Variants in TSPAN3 observed in about 807,000 individuals in gnomAD.
TSPAN3 encodes the protein tetraspanin-3.
In TSPAN3, 9 loss-of-function variants were observed where a neutral mutation model predicts 31.1. The ratio of observed to expected loss-of-function variants is 0.29; its 90% CI spans 0.17 to 0.50. The LOEUF is 0.50. Ranked by LOEUF, TSPAN3 falls within the 20% of genes least tolerant of loss-of-function variation. TSPAN3 has a pLI of 0.98. For missense variants in TSPAN3, 252 were observed against 313.5 expected (o/e 0.80, Z 1.48); for synonymous variants, 129 against 114.3 (o/e 1.13, Z -0.82).
At chr15:77,053,636 G>T (rs2076747753) in intron 4 of TSPAN3, among the ~76,000 whole-genome samples, 1 of 151,966 alleles carries the variant, frequency 6.6e-6, no homozygotes, top group African/African-American at 2.4e-5. Flanking sequence ...AAAATTTTGA[G>T]ATTTGCTTTA....
At position 77,055,849 on chromosome 15, in the gene TSPAN3, C is replaced by G; in HGVS notation, c.270G>C (p.Leu90=). The change falls in exon 3 of 7, where the codon CTG becomes CTC. Residue 90 remains leucine (L), a synonymous_variant. Transcript: ENST00000267970. ...CAACTTCTGTGACAAAAACCAAGAG[C>G]AGGATGATGACAAACTGTAAGAAAA... is the stretch of plus-strand genomic sequence containing the variant. The part of the protein sequence containing the change: ...RCGLATFVII[L]LLVFVTEVVV... 1 of 1,610,244 alleles carries G rather than the reference C, an allele frequency of 6.2e-7. No individual in the cohort carries two copies. The highest frequency in any genetic ancestry group is 1.1e-5 in the South Asian group (1 of 89,782).
chr15:77,043,406 G>A lies in TSPAN3; in HGVS notation c.*3429C>T, dbSNP rs2076670681. On this transcript the variant is annotated 3_prime_UTR_variant, in exon 7 of 7. Transcript: ENST00000267970. ...TTCCTGTTCACATTTCCTCCTCCTT[G>A]GACTAGATGATCAAAACGAACATCC... 1 of 152,060 alleles carries A rather than the reference G, an allele frequency of 6.6e-6. No homozygotes were observed. The highest frequency in any genetic ancestry group is 1.5e-5 in the Non-Finnish European group (1 of 68,022). The allele number at this position is 152,060 out of a possible 1,614,324, so 9.4% of individuals were successfully genotyped here.
chr15:77,050,750 G>C (rs907965625), intron 6 of TSPAN3, among the ~76,000 whole-genome samples: 1 of 152,174 alleles, frequency 6.6e-6, no homozygotes, highest in Non-Finnish European at 1.5e-5. Context: ...GAATGTGTTT[G>C]CATAAATAAT....
intron 1 of TSPAN3, among the ~76,000 whole-genome samples, chr15:77,057,118 A>T (rs1396173046): frequency 2.6e-5 from 4 of 152,224 alleles, no homozygotes; most frequent in Non-Finnish European, 5.9e-5. Flanking sequence ...CCAGCTGCAG[A>T]GTCTTACTTT....
rs376817629 is a variant in TSPAN3, at chr15:77,052,760, G to A, written c.585+17C>T. ...AGGTTAATCAAGCTAGACTCAAGTC[G>A]TGGCCAAGAGACTCACCTCAGCATA... On this transcript the variant is annotated intron_variant, in intron 5 of 6. Transcript: ENST00000267970. The A allele has an allele frequency of 9.9e-6, 16 of 1,609,042 alleles. No homozygotes were observed. The highest frequency in any genetic ancestry group is 3.3e-5 in the Admixed American group (2 of 59,774).
At chr15:77,065,971 A>G (rs1012842196) in intron 1 of TSPAN3, among the ~76,000 whole-genome samples, 5 of 152,244 alleles carry the variant, frequency 3.3e-5, no homozygotes, top group Non-Finnish European at 7.3e-5. Flanking sequence ...TATAAATTCT[A>G]TAAGCATGGA....
intron 3 of TSPAN3, 22 bp downstream of exon 3, chr15:77,055,767 T>C: frequency 1.9e-6 from 3 of 1,573,388 alleles, no homozygotes; most frequent in Non-Finnish European, 2.6e-6. Flanking sequence ...AGGCATTATG[T>C]GAATTACAGT....
rs2076674126 is a variant in TSPAN3 at position 77,043,998 on chromosome 15, T to A, written c.*2837A>T. On this transcript the variant is annotated 3_prime_UTR_variant, in exon 7 of 7. Transcript: ENST00000267970. ...TAGAATGGGACGAAATGTTAATAGGTGTATCTGGGCAAAGGATATTTGAGC... is the reference window on the plus strand; with the variant it reads ...TAGAATGGGACGAAATGTTAATAGGAGTATCTGGGCAAAGGATATTTGAGC... 6.6e-6 allele frequency: 1 copy of A among 152,150 alleles called. No individual in the cohort carries two copies. The highest frequency in any genetic ancestry group is 2.4e-5 in the African/African-American group (1 of 41,408). 9.4% of individuals were successfully genotyped at this position (152,150 alleles called of 1,614,324 possible).
At chr15:77,054,669 T>C (rs2076756272) in intron 3 of TSPAN3, 1 of 154,556 alleles carries the variant, frequency 6.5e-6, no homozygotes, top group African/African-American at 2.4e-5. Flanking sequence ...AAAGTAACTC[T>C]GAAGCTCCTG....
At chr15:77,069,843 G>A (rs771527109) in intron 1 of TSPAN3, 1 of 152,306 alleles carries the variant, frequency 6.6e-6, no homozygotes, top group African/African-American at 2.4e-5. Context: ...ACTGTGGACA[G>A]AGCAATCTGT....
Position 77,056,089 on chromosome 15 carries a change from C to G in TSPAN3, c.230G>C (p.Arg77Pro). Reference sequence around the variant, plus strand: ...CGTGGCAAGTCCACAGCGACTTTCCCGGATTGTGGCACAGCAGCCAATTAG... The same window carrying G: ...CGTGGCAAGTCCACAGCGACTTTCCGGGATTGTGGCACAGCAGCCAATTAG... The part of the protein sequence containing the change: ...IGLIGCCATI[R>P]ESRCGLATFV... The change falls in exon 2 of 7, where the codon CGG (arginine) becomes CCG (proline). Residue 77 changes from arginine (R) to proline (P), a missense_variant. Arg to Pro is a moderately radical substitution (Grantham distance 103, BLOSUM62 -2). Transcript: ENST00000267970. The G allele has an allele frequency of 6.2e-7, 1 of 1,610,244 alleles. No homozygotes were observed. Among genetic ancestry groups the G allele is most frequent in the Non-Finnish European group, 8.5e-7 (1 of 1,178,622 alleles).
chr15:77,063,603 T>A (rs1038989864), intron 1 of TSPAN3: 2 of 152,224 alleles, frequency 1.3e-5, no homozygotes, highest in African/African-American at 4.8e-5. Flanking sequence ...TTAATCCTTT[T>A]TACTGCTATT....
At position 77,051,314 on chromosome 15, in the gene TSPAN3, G is replaced by C. The variant is rs548107548; in HGVS notation, c.669+1071C>G. 2.0e-3 allele frequency among the ~76,000 whole-genome samples: 305 copies of C among 152,078 alleles called. 1 individual carries two copies. Among genetic ancestry groups the C allele is most frequent in the African/African-American group, 7.0e-3 (289 of 41,492 alleles). On this transcript the variant is annotated intron_variant, in intron 6 of 6. Coordinates refer to ENST00000267970, the MANE Select transcript of TSPAN3 (RefSeq NM_005724.6). The stretch of plus-strand genomic sequence containing the variant: ...AGGCCGAGGCAGGTGGATCACCTGA[G>C]GTCAGGAGTTCAAGACCAACCTGGC...
chr15:77,071,073 G>A lies in TSPAN3; in HGVS notation c.-119C>T, dbSNP rs1186452205. On this transcript the variant is annotated 5_prime_UTR_variant, in exon 1 of 7. Transcript: ENST00000267970. ...CACGGCCTGCGCGGCGCTCCCCGCA[G>A]CCCCTGCGCCGTCGCGCAGCCCCGA... The A allele has an allele frequency of 2.0e-5, 13 of 635,244 alleles. No homozygotes were observed. Among genetic ancestry groups the A allele is most frequent in the African/African-American group, 1.6e-4 (8 of 50,992 alleles). 39.4% of individuals were successfully genotyped at this position (635,244 alleles called of 1,614,324 possible). A position where few individuals can be genotyped will look rare whatever the true frequency, so the allele number is the denominator to read the frequency against.
At chr15:77,059,773 G>A (rs2076789784) in intron 1 of TSPAN3, among the ~76,000 whole-genome samples, 1 of 152,106 alleles carries the variant, frequency 6.6e-6, no homozygotes, top group Admixed American at 6.5e-5. Flanking sequence ...AAAACTGGAG[G>A]CCATATGTAC....
chr15:77,070,468 G>C (rs1313454434), intron 1 of TSPAN3, among the ~76,000 whole-genome samples: 1 of 152,092 alleles, frequency 6.6e-6, no homozygotes, highest in Admixed American at 6.5e-5. Flanking sequence ...ACGGCCACTC[G>C]TCTGCGAGGC....
chr15:77,052,581 A>T, intron 5 of TSPAN3, 113 bp from the exon 6 acceptor site: 1 of 1,191,004 alleles, frequency 8.4e-7, no homozygotes. Flanking sequence ...GAAAGAGTGG[A>T]AAAAAGATTC....
chr15:77,054,199 A>G lies in TSPAN3; in HGVS notation c.411T>C (p.Ala137=). The change falls in exon 4 of 7, where the codon GCT becomes GCC. Residue 137 remains alanine, a synonymous_variant. Coordinates refer to ENST00000267970, the MANE Select transcript of TSPAN3 (RefSeq NM_005724.6). The part of the protein sequence containing the change: ...NGTNPDAASR[A]IDYVQRQLHC... The stretch of plus-strand genomic sequence containing the variant: ...TCACCTGTCTCTGTACATAATCAAT[A>G]GCCCGGCTAGCAGCATCAGGGTTGG... 6.2e-7 allele frequency: 1 copy of G among 1,613,994 alleles called. No homozygotes were observed. The highest frequency in any genetic ancestry group is 8.5e-7 in the Non-Finnish European group (1 of 1,179,914).
At chr15:77,062,213 C>T (rs2076804981) in intron 1 of TSPAN3, among the ~76,000 whole-genome samples, 1 of 152,182 alleles carries the variant, frequency 6.6e-6, no homozygotes. Flanking sequence ...CTGAAAGCTT[C>T]CCCAAACTTC....
Sources: gnomAD v4.1 joint callset for allele counts (sites outside exome capture counted in the v4.1 genomes callset) on GRCh38, gnomAD v4.1.1 for gene constraint, MANE v1.5 for transcripts, NCBI Gene and HGNC (gene_info 2026-07-23, HGNC 2026-07-21) for gene names.